HTT-AS: variants seen among roughly 807,000 people sequenced by gnomAD.
The protein encoded by HTT-AS is HTT antisense RNA (head to head).
At chr4:3,060,675 AG>A (rs1711907878) in intron 2 of HTT-AS, among the ~76,000 whole-genome samples, 1 of 152,250 alleles carries the variant, frequency 6.6e-6, no homozygotes, top group South Asian at 2.1e-4. Context: ...AAGCTTGCAC[AG>A]GTGAATGCTG....
At chr4:3,064,463 T>C (rs1434979846) in intron 1 of HTT-AS, among the ~76,000 whole-genome samples, 1 of 151,908 alleles carries the variant, frequency 6.6e-6, no homozygotes, top group Non-Finnish European at 1.5e-5. Context: ...ATTAAGAAAC[T>C]AAAAATACAC....
chr4:3,061,877 C>T (rs1206299673), intron 2 of HTT-AS, among the ~76,000 whole-genome samples: 1 of 146,440 alleles, frequency 6.8e-6, no homozygotes, highest in Admixed American at 6.9e-5. Context: ...AGCTACTCGG[C>T]AGGCTGAGGC....
chr4:3,074,453 C>T (rs1712337036), exon 1 of HTT-AS: 1 of 206,564 alleles, frequency 4.8e-6, no homozygotes, highest in Non-Finnish European at 9.5e-6. Context: ...ACGCCCCGTC[C>T]CCTCTCCGTT....
intron 2 of HTT-AS, among the ~76,000 whole-genome samples, chr4:3,051,097 A>AC (rs1711696107): frequency 8.2e-6 from 1 of 122,358 alleles, no homozygotes; most frequent in African/African-American, 3.2e-5. Context: ...ATGGAGTTTC[A>AC]TTCTTGTTGC....
chr4:3,066,747 A>G (rs576924572), intron 1 of HTT-AS, among the ~76,000 whole-genome samples: 1 of 152,334 alleles, frequency 6.6e-6, no homozygotes, highest in South Asian at 2.1e-4. Flanking sequence ...GCAAACAAAA[A>G]TCCTCTCCGG....
chr4:3,060,727 G>T (rs910686092), intron 2 of HTT-AS, among the ~76,000 whole-genome samples: 1 of 152,236 alleles, frequency 6.6e-6, no homozygotes. Context: ...GGGCCAGGCA[G>T]ATCCAACATG....
chr4:3,072,622 G>C lies in HTT-AS; in HGVS notation n.113+1804C>G, dbSNP rs924326881. On this transcript the variant is annotated intron_variant and non_coding_transcript_variant, in intron 1 of 2. Transcript: ENST00000664062. Reference sequence around the variant, plus strand: ...GGCCCTTATTAACAGCAGAGAACTGGGAACTTTATTTATTTATTTATTTTT... The same window carrying C: ...GGCCCTTATTAACAGCAGAGAACTGCGAACTTTATTTATTTATTTATTTTT... Among the ~76,000 whole-genome samples, 3 of 152,108 alleles carry C rather than the reference G, an allele frequency of 2.0e-5. No homozygotes were observed. In the East Asian group the frequency reaches 5.8e-4, roughly 29 times the overall value.
At chr4:3,057,844 C>T (rs558002267) in intron 2 of HTT-AS, among the ~76,000 whole-genome samples, 59 of 150,728 alleles carry the variant, frequency 3.9e-4, no homozygotes, top group African/African-American at 1.4e-3. Context: ...AGGATGGTCT[C>T]AATCTCCTGA....
At chr4:3,048,669 C>T (rs191796112), downstream of HTT-AS, among the ~76,000 whole-genome samples, 1 of 152,306 alleles carries the variant, frequency 6.6e-6, no homozygotes, top group Non-Finnish European at 1.5e-5. Context: ...TGCACAGGTA[C>T]TACTTTTCTG....
chr4:3,057,871 C>T (rs1182745428), intron 2 of HTT-AS, among the ~76,000 whole-genome samples: 4 of 151,920 alleles, frequency 2.6e-5, no homozygotes, highest in Non-Finnish European at 5.9e-5. Context: ...GATCCGCCCG[C>T]CTCAGCCTCC....
In HTT-AS at chr4:3,056,015, G is replaced by A. The variant is rs562293662; in HGVS notation, n.1381-6317C>T. On this transcript the variant is annotated intron_variant and non_coding_transcript_variant, in intron 2 of 2. Coordinates refer to ENST00000664062, the Ensembl canonical transcript of HTT-AS. The stretch of plus-strand genomic sequence containing the variant: ...TGCACAAAGAAAACTCAGAGAGCTC[G>A]AAACACAAACTGTGGATCTCCAAAA... 2.8e-4 allele frequency among the ~76,000 whole-genome samples: 42 copies of A among 152,240 alleles called. No individual in the cohort carries two copies. In the South Asian group the frequency reaches 6.2e-3, roughly 23 times the overall value.
At chr4:3,053,353 C>T (rs1010377038) in intron 2 of HTT-AS, among the ~76,000 whole-genome samples, 4 of 152,174 alleles carry the variant, frequency 2.6e-5, no homozygotes, top group Non-Finnish European at 4.4e-5. Flanking sequence ...GCCAACCAGG[C>T]GAAACCCCGT....
intron 1 of HTT-AS, among the ~76,000 whole-genome samples, chr4:3,068,216 G>A (rs1313669114): frequency 6.9e-6 from 1 of 145,378 alleles, no homozygotes; most frequent in African/African-American, 2.6e-5. Flanking sequence ...TGAGGCAGGA[G>A]AATGGCGTGA....
downstream of HTT-AS, among the ~76,000 whole-genome samples, chr4:3,047,663 G>C (rs1158638791): frequency 6.6e-6 from 1 of 152,172 alleles, no homozygotes; most frequent in African/African-American, 2.4e-5. Context: ...CCAGGGGAGA[G>C]GGGCGGAGGG....
intron 1 of HTT-AS, among the ~76,000 whole-genome samples, chr4:3,070,582 G>A (rs539311541): frequency 2.6e-4 from 40 of 152,116 alleles, no homozygotes; most frequent in Non-Finnish European, 5.4e-4. Flanking sequence ...GAGCCACTGC[G>A]CCTTCATCTC....
rs534458109 is a variant in HTT-AS, at chr4:3,059,989, T to G, written n.1380+2445A>C. ...CAGGCTGGAGTTCAGTGGCGTGATC[T>G]CAGCTCACTGCAACCTCTGTCTCCT... On this transcript the variant is annotated intron_variant and non_coding_transcript_variant, in intron 2 of 2. Transcript: ENST00000664062. Among the ~76,000 whole-genome samples the G allele has an allele frequency of 2.6e-5, 4 of 151,584 alleles. No individual in the cohort carries two copies. In the East Asian group the frequency reaches 7.8e-4, roughly 29 times the overall value.
intron 1 of HTT-AS, among the ~76,000 whole-genome samples, chr4:3,064,822 T>C (rs1482010992): frequency 6.6e-6 from 1 of 152,200 alleles, no homozygotes; most frequent in Non-Finnish European, 1.5e-5. Flanking sequence ...TATAAATTGA[T>C]ACCAAAATCT....
At chr4:3,060,360 C>T (rs1350078342) in intron 2 of HTT-AS, among the ~76,000 whole-genome samples, 1 of 152,052 alleles carries the variant, frequency 6.6e-6, no homozygotes. Flanking sequence ...CATTTTGTTG[C>T]CCAGGCTAGA....
intron 1 of HTT-AS, among the ~76,000 whole-genome samples, chr4:3,064,789 C>T (rs750130114): frequency 3.9e-5 from 6 of 152,148 alleles, no homozygotes; most frequent in Non-Finnish European, 8.8e-5. Context: ...AACAAAACTT[C>T]CCAATTCTTT....
Sources: gnomAD v4.1 joint callset for allele counts (sites outside exome capture counted in the v4.1 genomes callset) on GRCh38, gnomAD v4.1.1 for gene constraint, MANE v1.5 for transcripts, NCBI Gene and HGNC (gene_info 2026-07-23, HGNC 2026-07-21) for gene names.